The following PALS2 variants were observed in gnomAD, a reference collection of about 807,000 sequenced individuals.
PALS2 encodes protein PALS2.
Under a neutral mutation model 61.6 loss-of-function variants are expected in PALS2, and 27 were observed. The ratio of observed to expected loss-of-function variants is 0.44; its 90% CI spans 0.32 to 0.60. The LOEUF (loss-of-function observed/expected upper bound fraction) is 0.60. PALS2 is among the 20% of genes least tolerant of loss of function. The pLI, the probability that PALS2 is intolerant of heterozygous loss-of-function variation, is 0.05. For synonymous variants in PALS2, 236 were observed against 218.6 expected (o/e 1.08, Z -0.70); for missense variants, 554 against 639.4 (o/e 0.87, Z 1.44).
chr7:24,650,779 A>G (rs1354846467), intron 5 of PALS2, 67 bp downstream of exon 5: 1 of 1,083,278 alleles, frequency 9.2e-7, no homozygotes, highest in African/African-American at 1.6e-5. Context: ...GTTGGAAATA[A>G]CTATCAGTTG....
rs1782946608 is a variant in PALS2 at position 24,583,813 on chromosome 7, C to A, written c.-3+10220C>A. 2.0e-5 allele frequency among the ~76,000 whole-genome samples: 3 copies of A among 151,888 alleles called. No individual in the cohort carries two copies. The South Asian group carries it at 6.2e-4, about 32-fold the overall frequency. Reference sequence around the variant, plus strand: ...TCTCCCAATGCTATCCCTCCCCTCTCCCCCGACCCCACCACAGTCCCCAGA... The same window carrying A: ...TCTCCCAATGCTATCCCTCCCCTCTACCCCGACCCCACCACAGTCCCCAGA... On this transcript the variant is annotated intron_variant, in intron 1 of 11. Coordinates refer to ENST00000222644, the MANE Select transcript of PALS2 (RefSeq NM_001303037.2).
chr7:24,671,823 C>G (rs1787311846), intron 9 of PALS2, among the ~76,000 whole-genome samples: 1 of 151,918 alleles, frequency 6.6e-6, no homozygotes, highest in Non-Finnish European at 1.5e-5. Context: ...GATTGTCTTG[C>G]CACCCTTTTT....
rs1421594464 is a variant in PALS2, at chr7:24,689,123, A to G, written c.*1509A>G. ...GCCACTGCACCTAGCCAAGAAGTGT[A>G]CTTTTTGTTTAATGATTACCGAAAG... is the stretch of plus-strand genomic sequence containing the variant. On this transcript the variant is annotated 3_prime_UTR_variant, in exon 12 of 12. Coordinates refer to ENST00000222644, the MANE Select transcript of PALS2 (RefSeq NM_001303037.2). 6.6e-6 allele frequency: 1 copy of G among 152,202 alleles called. No homozygotes were observed. The highest frequency in any genetic ancestry group is 2.4e-5 in the African/African-American group (1 of 41,454). 9.4% of individuals were successfully genotyped at this position (152,202 alleles called of 1,614,324 possible).
intron 1 of PALS2, among the ~76,000 whole-genome samples, chr7:24,581,244 CGTGTGTGTGTGTGTGTGTGTGTGTGTGT>C (rs55768123): frequency 0.012 from 1,725 of 143,130 alleles, 19 homozygotes; most frequent in Non-Finnish European, 0.015. Context: ...CATTTCCCCA[CGTGTGTGTGTGTGTGTGTGTGTGTGTGT>C]GTGTGTGTGT....
Position 24,688,840 on chromosome 7 carries a change from G to A in PALS2, c.*1226G>A, listed in dbSNP as rs1005932792. 1.3e-5 allele frequency: 2 copies of A among 151,674 alleles called. No homozygotes were observed. Among genetic ancestry groups the A allele is most frequent in the Non-Finnish European group, 2.9e-5 (2 of 67,924 alleles). 9.4% of individuals were successfully genotyped at this position (151,674 alleles called of 1,614,324 possible). On this transcript the variant is annotated 3_prime_UTR_variant, in exon 12 of 12. Coordinates refer to ENST00000222644, the MANE Select transcript of PALS2 (RefSeq NM_001303037.2). The stretch of plus-strand genomic sequence containing the variant: ...TTTTGTTTGTTTGTTTTGAGATGGA[G>A]TCTCTCTCTGTCACCCATGCTGGAG...
rs759164894 is a variant in PALS2, at chr7:24,650,698, A to G, written c.637A>G (p.Ile213Val). The G allele has an allele frequency of 3.2e-6, 5 of 1,580,074 alleles. No homozygotes were observed. The South Asian group carries it at 3.4e-5, about 11-fold the overall frequency. ...AATCTTACCAAGTTATAGAGATACCATTACTCCTCAACAGGTTAGTAATAA... is the reference window on the plus strand; with the variant it reads ...AATCTTACCAAGTTATAGAGATACCGTTACTCCTCAACAGGTTAGTAATAA... ...LKILPSYRDTITPQQVFVKCH... is the reference protein window; with the variant it reads ...LKILPSYRDTVTPQQVFVKCH... The change falls in exon 5 of 12, where the codon ATT becomes GTT. Residue 213 changes from isoleucine to valine, a missense_variant. Ile to Val is a conservative substitution (Grantham distance 29). Coordinates refer to ENST00000222644, the MANE Select transcript of PALS2 (RefSeq NM_001303037.2).
intron 1 of PALS2, among the ~76,000 whole-genome samples, chr7:24,603,266 C>T (rs1465414155): frequency 1.3e-5 from 2 of 152,174 alleles, no homozygotes; most frequent in Non-Finnish European, 2.9e-5. Flanking sequence ...AAACCAGCAG[C>T]TTTGCTGCCC....
At chr7:24,641,497 A>G (rs1785548825) in intron 2 of PALS2, among the ~76,000 whole-genome samples, 1 of 152,136 alleles carries the variant, frequency 6.6e-6, no homozygotes. Context: ...TGAGTTTTTC[A>G]TGACTTTCAG....
At position 24,576,623 on chromosome 7, in the gene PALS2, C is replaced by T. The variant is rs116377356; in HGVS notation, c.-3+3030C>T. Among the ~76,000 whole-genome samples, 789 of 152,282 alleles carry T rather than the reference C, an allele frequency of 5.2e-3. 7 individuals are homozygous for T. Among genetic ancestry groups the T allele is most frequent in the African/African-American group, 0.017 (722 of 41,552 alleles). On this transcript the variant is annotated intron_variant, in intron 1 of 11. Coordinates refer to ENST00000222644, the MANE Select transcript of PALS2 (RefSeq NM_001303037.2). Reference sequence around the variant, plus strand: ...GATAAGATTCCTGAATACATTATAGCTTTCAAAGATCCGACTTTACTTGCA... The same window carrying T: ...GATAAGATTCCTGAATACATTATAGTTTTCAAAGATCCGACTTTACTTGCA...
At chr7:24,644,753 A>C (rs941519973) in intron 3 of PALS2, among the ~76,000 whole-genome samples, 2 of 152,024 alleles carry the variant, frequency 1.3e-5, no homozygotes, top group Non-Finnish European at 2.9e-5. Context: ...GCTAATATAC[A>C]TTCCCACCAA....
At chr7:24,588,488 A>G (rs1011721902) in intron 1 of PALS2, among the ~76,000 whole-genome samples, 2 of 152,060 alleles carry the variant, frequency 1.3e-5, no homozygotes, top group Non-Finnish European at 2.9e-5. Flanking sequence ...ATTCTCTTTT[A>G]CAGCATTTTC....
At chr7:24,581,996 T>C (rs1314379331) in intron 1 of PALS2, among the ~76,000 whole-genome samples, 2 of 152,204 alleles carry the variant, frequency 1.3e-5, no homozygotes, top group Non-Finnish European at 2.9e-5. Context: ...GAACTCTGGG[T>C]CATCATTCTT....
chr7:24,619,488 T>G (rs936411006), intron 1 of PALS2, among the ~76,000 whole-genome samples: 1 of 151,776 alleles, frequency 6.6e-6, no homozygotes, highest in Non-Finnish European at 1.5e-5. Context: ...GAGGCCGAGG[T>G]GGGCGGATCA....
chr7:24,592,586 G>A (rs1234361962), intron 1 of PALS2, among the ~76,000 whole-genome samples: 1 of 152,042 alleles, frequency 6.6e-6, no homozygotes, highest in Non-Finnish European at 1.5e-5. Flanking sequence ...ATGAAGTAAG[G>A]AAAATAAATA....
chr7:24,647,401 G>A (rs894808473), intron 3 of PALS2, among the ~76,000 whole-genome samples: 1 of 152,050 alleles, frequency 6.6e-6, no homozygotes, highest in Admixed American at 6.6e-5. Flanking sequence ...TGCCCACCTC[G>A]GCCTCCCAAA....
chr7:24,654,245 C>T (rs116468346), intron 5 of PALS2, among the ~76,000 whole-genome samples: 2,434 of 150,882 alleles, frequency 0.016, 79 homozygotes, highest in African/African-American at 0.057. Flanking sequence ...AGGATGCTCA[C>T]TAGCACCACT....
intron 1 of PALS2, among the ~76,000 whole-genome samples, chr7:24,615,884 G>A (rs1288246174): frequency 2.6e-5 from 4 of 152,146 alleles, no homozygotes; most frequent in African/African-American, 9.7e-5. Context: ...TTACAGGGAT[G>A]CAGCAATGGT....
In PALS2 at chr7:24,655,399, G is replaced by T. The variant is rs149753427; in HGVS notation, c.651+4687G>T. Reference sequence around the variant, plus strand: ...GTAAAGCAAGGAGTTTGTGAACCCAGGATTCAGGGTGAAGTGTGCCTTGGT... The same window carrying T: ...GTAAAGCAAGGAGTTTGTGAACCCATGATTCAGGGTGAAGTGTGCCTTGGT... On this transcript the variant is annotated intron_variant, in intron 5 of 11. Transcript: ENST00000222644. 3.5e-4 allele frequency among the ~76,000 whole-genome samples: 53 copies of T among 152,248 alleles called. No homozygotes were observed. In the East Asian group the frequency reaches 9.9e-3, roughly 28 times the overall value.
Position 24,581,120 on chromosome 7 carries a change from A to G in PALS2, c.-3+7527A>G, listed in dbSNP as rs114568587. On this transcript the variant is annotated intron_variant, in intron 1 of 11. Transcript: ENST00000222644. ...ATTTTTCCTCCAAAGAATCTAAGGGAGAACTTACTTGTTGCCTTTTCCAGT... is the reference window on the plus strand; with the variant it reads ...ATTTTTCCTCCAAAGAATCTAAGGGGGAACTTACTTGTTGCCTTTTCCAGT... Among the ~76,000 whole-genome samples the G allele has an allele frequency of 4.6e-3, 704 of 152,308 alleles. 6 individuals carry two copies. Among genetic ancestry groups the G allele is most frequent in the African/African-American group, 0.016 (650 of 41,562 alleles).
Sources: gnomAD v4.1 joint callset for allele counts (sites outside exome capture counted in the v4.1 genomes callset) on GRCh38, gnomAD v4.1.1 for gene constraint, MANE v1.5 for transcripts, NCBI Gene and HGNC (gene_info 2026-07-23, HGNC 2026-07-21) for gene names.